BEAN1: variants seen among roughly 807,000 people sequenced by gnomAD.
The protein encoded by BEAN1 is brain expressed associated with NEDD4 1, also known as protein BEAN1.
A neutral mutation model predicts 17.7 loss-of-function variants in BEAN1; 17 were observed. The ratio of observed to expected loss-of-function variants is 0.96; its 90% CI spans 0.66 to 1.44. The LOEUF (loss-of-function observed/expected upper bound fraction) is 1.44, where lower values mean the gene tolerates loss of function less well. Among genes scored for constraint, BEAN1 ranks in the 40% most tolerant of loss-of-function variants. BEAN1 has a pLI of 0.00. For synonymous variants in BEAN1, 142 were observed against 151.8 expected, an observed-to-expected ratio of 0.94 and a Z score of 0.47; for missense variants, 359 against 374.1, an observed-to-expected ratio of 0.96 and a Z score of 0.33.
At chr16:66,448,654 T>C (rs1962547590) in intron 2 of BEAN1, among the ~76,000 whole-genome samples, 1 of 152,066 alleles carries the variant, frequency 6.6e-6, no homozygotes, top group African/African-American at 2.4e-5. Context: ...AAACCTCGTC[T>C]CTACTAAAAA....
At chr16:66,444,835 C>T (rs1044743420) in intron 2 of BEAN1, among the ~76,000 whole-genome samples, 3 of 152,092 alleles carry the variant, frequency 2.0e-5, no homozygotes, top group African/African-American at 4.8e-5. Context: ...GGCACTGTGG[C>T]GGGAGCATTG....
intron 2 of BEAN1, among the ~76,000 whole-genome samples, chr16:66,455,661 T>G (rs938034804): frequency 2.0e-5 from 3 of 151,590 alleles, no homozygotes; most frequent in Admixed American, 2.0e-4. Flanking sequence ...GGACAATACC[T>G]GCAGCAACAC....
intron 2 of BEAN1, among the ~76,000 whole-genome samples, chr16:66,466,369 T>A (rs2142425036): frequency 6.6e-6 from 1 of 152,338 alleles, no homozygotes; most frequent in African/African-American, 2.4e-5. Context: ...TTTATTTCAC[T>A]AATTTCCACT....
intron 2 of BEAN1, among the ~76,000 whole-genome samples, chr16:66,445,333 G>A (rs1026542662): frequency 4.6e-5 from 7 of 151,728 alleles, no homozygotes; most frequent in South Asian, 2.1e-4. Flanking sequence ...AAAATTAGCC[G>A]GGCGTGGTGG....
chr16:66,435,651 A>C (rs6499085), intron 1 of BEAN1, among the ~76,000 whole-genome samples: 103,980 of 151,772 alleles, frequency 0.69, 36,081 homozygotes, highest in African/African-American at 0.78. Context: ...CCACACCTGG[A>C]TAATTTTTTG....
intron 2 of BEAN1, among the ~76,000 whole-genome samples, chr16:66,455,296 T>C (rs942487009): frequency 2.0e-5 from 3 of 152,190 alleles, no homozygotes; most frequent in African/African-American, 7.2e-5. Context: ...ATCAGGATGA[T>C]TATTCACAGC....
At chr16:66,432,043 C>T (rs551656531) in intron 1 of BEAN1, among the ~76,000 whole-genome samples, 2 of 152,128 alleles carry the variant, frequency 1.3e-5, no homozygotes, top group Non-Finnish European at 2.9e-5. Context: ...GGGTGACAGA[C>T]TGAAACTTTT....
At chr16:66,452,607 G>A (rs564739755) in intron 2 of BEAN1, among the ~76,000 whole-genome samples, 152 of 152,336 alleles carry the variant, frequency 1.0e-3, no homozygotes, top group Middle Eastern at 3.4e-3. Flanking sequence ...TTTGGCGAAG[G>A]GATCTGTGGG....
intron 2 of BEAN1, among the ~76,000 whole-genome samples, chr16:66,459,469 G>C (rs984658755): frequency 2.0e-5 from 3 of 152,066 alleles, no homozygotes; most frequent in African/African-American, 7.2e-5. Flanking sequence ...ACAAGCACCT[G>C]CCACCATGCA....
intron 2 of BEAN1, among the ~76,000 whole-genome samples, chr16:66,461,893 A>G (rs531841975): frequency 6.6e-6 from 1 of 152,300 alleles, no homozygotes; most frequent in African/African-American, 2.4e-5. Context: ...GACAGAGAGC[A>G]ATCAGAGTGG....
chr16:66,442,666 T>G (rs1051368883), intron 2 of BEAN1, among the ~76,000 whole-genome samples: 5 of 152,186 alleles, frequency 3.3e-5, no homozygotes, highest in African/African-American at 1.2e-4. Flanking sequence ...GCAAGCAGCC[T>G]AATTTCTAAA....
chr16:66,481,056 A>C lies in BEAN1; in HGVS notation c.*131A>C. Reference sequence around the variant, plus strand: ...ACACACATAGACCAAACTTGTATACACACAGACATCTACACTGACATACCC... The same window carrying C: ...ACACACATAGACCAAACTTGTATACCCACAGACATCTACACTGACATACCC... On this transcript the variant is annotated 3_prime_UTR_variant, in exon 5 of 5. Coordinates refer to ENST00000536005, the MANE Select transcript of BEAN1 (RefSeq NM_001178020.3). This position sits in a 1 kb window ranked among gnomAD's most constrained non-coding sequence, Gnocchi z 4.1. The C allele has an allele frequency of 9.5e-6, 6 of 631,512 alleles. No individual in the cohort carries two copies. The highest frequency in any genetic ancestry group is 8.2e-5 in the South Asian group (2 of 24,522). The allele number at this position is 631,512 out of a possible 1,614,324, so 39.1% of individuals were successfully genotyped here. A position where few individuals can be genotyped will look rare whatever the true frequency, so the allele number is the denominator to read the frequency against.
intron 2 of BEAN1, among the ~76,000 whole-genome samples, chr16:66,441,142 C>T (rs1485939985): frequency 6.6e-6 from 1 of 152,156 alleles, no homozygotes; most frequent in Non-Finnish European, 1.5e-5. Context: ...CCCAGTTCGC[C>T]CGCACCACCG....
chr16:66,442,382 T>G (rs1380192314), intron 2 of BEAN1, among the ~76,000 whole-genome samples: 1 of 152,112 alleles, frequency 6.6e-6, no homozygotes, highest in Non-Finnish European at 1.5e-5. Flanking sequence ...CCTCTGGCCT[T>G]TGGGAACAGA....
intron 4 of BEAN1, chr16:66,492,897 T>C (rs1964194478): frequency 4.6e-6 from 3 of 651,092 alleles, no homozygotes; most frequent in Non-Finnish European, 8.4e-6. Context: ...CTGCCTGGCC[T>C]GGCCCCTCTC....
rs1463602406 is a variant in BEAN1, at chr16:66,469,859, G to A, written c.283G>A (p.Gly95Ser). The change falls in exon 3 of 5, where the codon GGC becomes AGC. Residue 95 changes from glycine to serine, a missense_variant. Physicochemically the swap from Gly to Ser is moderately conservative, Grantham distance 56. Coordinates refer to ENST00000536005, the MANE Select transcript of BEAN1 (RefSeq NM_001178020.3). ...RRRRHREYEH[G>S]YVSDEHTYSR... Reference sequence around the variant, plus strand: ...GCGTCGACACCGAGAGTACGAGCACGGCTACGGTGAGCCGCCGCCCACCCT... The same window carrying A: ...GCGTCGACACCGAGAGTACGAGCACAGCTACGGTGAGCCGCCGCCCACCCT... 27 of 1,532,854 alleles carry A rather than the reference G, an allele frequency of 1.8e-5. No homozygotes were observed. The highest frequency in any genetic ancestry group is 1.9e-4 in the Middle Eastern group (1 of 5,180). 95.0% of individuals were successfully genotyped at this position (1,532,854 alleles called of 1,614,324 possible). A position where few individuals can be genotyped will look rare whatever the true frequency, so the allele number is the denominator to read the frequency against.
At chr16:66,442,035 G>A (rs1045445808) in intron 2 of BEAN1, among the ~76,000 whole-genome samples, 8 of 152,262 alleles carry the variant, frequency 5.3e-5, no homozygotes, top group African/African-American at 1.9e-4. Context: ...ACAAGAAAGG[G>A]GGAGGCAGTC....
chr16:66,457,890 G>T (rs1026848052), intron 2 of BEAN1, among the ~76,000 whole-genome samples: 1 of 151,674 alleles, frequency 6.6e-6, no homozygotes, highest in South Asian at 2.1e-4. Flanking sequence ...CTGCTTAGAG[G>T]ATGGGATCAG....
At chr16:66,482,887 C>CA (rs1447637873), downstream of BEAN1, 2 of 456,070 alleles carry the variant, frequency 4.4e-6, no homozygotes, top group Non-Finnish European at 4.4e-6. Context: ...GACAGGGTCT[C>CA]ACTCAGTCGC....
Sources: allele counts gnomAD v4.1 joint callset (sites outside exome capture counted in the v4.1 genomes callset), GRCh38; gene constraint gnomAD v4.1.1; non-coding constraint Gnocchi (gnomAD v3.1); transcripts MANE v1.5; gene names NCBI Gene and HGNC (gene_info 2026-07-23, HGNC 2026-07-21).